TENM2: variants seen among roughly 807,000 people sequenced by gnomAD.
The protein encoded by TENM2 is teneurin-2.
TENM2 carries 52 observed loss-of-function variants against 245.2 expected under a neutral mutation model. The observed-to-expected ratio is 0.21, with a 90% CI of 0.17 to 0.27. The LOEUF (loss-of-function observed/expected upper bound fraction) is 0.27. Ranked by LOEUF, TENM2 falls within the 10% of genes least tolerant of loss-of-function variation. The pLI, the probability that TENM2 is intolerant of heterozygous loss-of-function variation, is 1.00. For missense variants in TENM2, 3,046 were observed against 3,666.8 expected (o/e 0.83, Z 4.37); for synonymous variants, 1,363 against 1,438.9 (o/e 0.95, Z 1.19).
In TENM2 at chr5:167,889,414, A is replaced by G. The variant is rs867442887; in HGVS notation, c.712+13219A>G. 4.0e-4 allele frequency among the ~76,000 whole-genome samples: 61 copies of G among 152,140 alleles called. 1 individual carries two copies. Among genetic ancestry groups the G allele is most frequent in the African/African-American group, 1.4e-3 (59 of 41,434 alleles). ...CACACTTGACTAGGATCGCATTTCAATCTGTTCCATCTGATTGGATACCGT... is the reference window on the plus strand; with the variant it reads ...CACACTTGACTAGGATCGCATTTCAGTCTGTTCCATCTGATTGGATACCGT... On this transcript the variant is annotated intron_variant, in intron 3 of 28. Coordinates refer to ENST00000518659, the Ensembl canonical transcript of TENM2.
intron 19 of TENM2, among the ~76,000 whole-genome samples, chr5:168,209,360 G>A (rs974781754): frequency 4.6e-5 from 7 of 152,134 alleles, no homozygotes; most frequent in Admixed American, 4.6e-4. Context: ...AATTCTACAT[G>A]GGGACTTTTA....
intron 2 of TENM2, among the ~76,000 whole-genome samples, chr5:167,391,918 G>T (rs1761782686): frequency 6.6e-6 from 1 of 152,072 alleles, no homozygotes; most frequent in African/African-American, 2.4e-5. Context: ...AAGGGGAAAG[G>T]TAGAGAGAGA....
At chr5:167,239,821 G>T in the TENM2 span, among the ~76,000 whole-genome samples, 1 of 152,194 alleles carries the variant, frequency 6.6e-6, no homozygotes, top group African/African-American at 2.4e-5. Context: ...TGCCCAGGCT[G>T]GAGTGCAATG....
intron 2 of TENM2, among the ~76,000 whole-genome samples, chr5:167,461,447 T>A (rs909271126): frequency 1.3e-5 from 2 of 152,156 alleles, no homozygotes; most frequent in Admixed American, 1.3e-4. Flanking sequence ...ACCCTGACTT[T>A]GAAGACTCAC....
At chr5:167,445,589 C>T (rs777491089) in intron 2 of TENM2, among the ~76,000 whole-genome samples, 98 of 152,138 alleles carry the variant, frequency 6.4e-4, no homozygotes, top group Non-Finnish European at 1.0e-3. Context: ...ACATTTTATC[C>T]TCCCAATAAC....
At chr5:167,041,409 T>C in the TENM2 span, among the ~76,000 whole-genome samples, 1 of 152,180 alleles carries the variant, frequency 6.6e-6, no homozygotes, top group Non-Finnish European at 1.5e-5. Flanking sequence ...ATTCTGCTAC[T>C]CTCCTCTGGA....
intron 2 of TENM2, among the ~76,000 whole-genome samples, chr5:167,414,425 T>C (rs1266275401): frequency 6.6e-6 from 1 of 152,146 alleles, no homozygotes; most frequent in Non-Finnish European, 1.5e-5. Flanking sequence ...GAAATGTTAA[T>C]AGCTACAGGT....
chr5:167,324,426 T>C (rs1756961235), intron 1 of TENM2, among the ~76,000 whole-genome samples: 1 of 152,196 alleles, frequency 6.6e-6, no homozygotes, highest in African/African-American at 2.4e-5. Flanking sequence ...CAAAGATGGA[T>C]AGGTAATTTT....
intron 13 of TENM2, among the ~76,000 whole-genome samples, chr5:168,173,034 G>A (rs1413079795): frequency 6.6e-6 from 1 of 152,100 alleles, no homozygotes; most frequent in Non-Finnish European, 1.5e-5. Flanking sequence ...CCTTTCCAAG[G>A]TGATTCTCCT....
intron 4 of TENM2, among the ~76,000 whole-genome samples, chr5:167,967,786 A>G (rs1781488527): frequency 6.6e-6 from 1 of 152,220 alleles, no homozygotes; most frequent in Admixed American, 6.5e-5. Flanking sequence ...GAAAAAAGCC[A>G]AATATTTCCA....
At chr5:167,120,758 A>G in the TENM2 span, among the ~76,000 whole-genome samples, 1 of 152,230 alleles carries the variant, frequency 6.6e-6, no homozygotes, top group Non-Finnish European at 1.5e-5. Context: ...TCATCTAATG[A>G]AGTGGAAGCA....
At chr5:167,742,294 A>G (rs933064516) in intron 2 of TENM2, among the ~76,000 whole-genome samples, 5 of 151,640 alleles carry the variant, frequency 3.3e-5, no homozygotes, top group East Asian at 1.9e-4. Flanking sequence ...TTTTATTCCT[A>G]TAGTGCTTAC....
chr5:167,471,748 A>G (rs1207611129), intron 2 of TENM2, among the ~76,000 whole-genome samples: 1 of 152,208 alleles, frequency 6.6e-6, no homozygotes, highest in Non-Finnish European at 1.5e-5. Flanking sequence ...ACGCAGAAGT[A>G]TGGTATCTAC....
intron 5 of TENM2, among the ~76,000 whole-genome samples, chr5:167,995,054 C>T (rs1162434056): frequency 2.0e-5 from 3 of 151,978 alleles, no homozygotes; most frequent in African/African-American, 7.3e-5. Flanking sequence ...TAATGTTCTG[C>T]GGGGCCAGTG....
intron 2 of TENM2, among the ~76,000 whole-genome samples, chr5:167,570,338 A>G (rs966056533): frequency 5.9e-5 from 8 of 135,762 alleles, no homozygotes; most frequent in Non-Finnish European, 1.3e-4. Context: ...ATCAATAACT[A>G]TTGGGAATGG....
the TENM2 span, among the ~76,000 whole-genome samples, chr5:166,982,424 G>C: frequency 6.6e-6 from 1 of 152,038 alleles, no homozygotes; most frequent in African/African-American, 2.4e-5. Context: ...TGTTTGGCTA[G>C]TTTTTTTCAT....
chr5:167,573,557 T>G (rs1372649880), intron 2 of TENM2, among the ~76,000 whole-genome samples: 1 of 151,776 alleles, frequency 6.6e-6, no homozygotes, highest in African/African-American at 2.4e-5. Context: ...TCTCTCCCTC[T>G]CTCCTCGCTG....
At chr5:167,750,551 A>T (rs12187148) in intron 2 of TENM2, among the ~76,000 whole-genome samples, 1 of 152,066 alleles carries the variant, frequency 6.6e-6, no homozygotes, top group Admixed American at 6.6e-5. Flanking sequence ...GGTATACCAT[A>T]GAAGCAGTTA....
chr5:168,049,953 C>A (rs1016880941), intron 6 of TENM2, among the ~76,000 whole-genome samples: 9 of 152,122 alleles, frequency 5.9e-5, no homozygotes, highest in Admixed American at 2.6e-4. Flanking sequence ...CAGGCATGTG[C>A]CACCACGCCT....
Sources: gnomAD v4.1 joint callset for allele counts (sites outside exome capture counted in the v4.1 genomes callset) on GRCh38, gnomAD v4.1.1 for gene constraint, MANE v1.5 for transcripts, NCBI Gene and HGNC (gene_info 2026-07-23, HGNC 2026-07-21) for gene names.